Variants in CLIC6 observed in about 807,000 individuals in gnomAD.
CLIC6 encodes chloride intracellular channel protein 6.
A neutral mutation model predicts 49.2 loss-of-function variants in CLIC6; 39 were observed. That is an observed-to-expected ratio of 0.79 (90% confidence interval 0.61 to 1.04). The LOEUF (loss-of-function observed/expected upper bound fraction) is 1.04. CLIC6 is among the 50% of genes least tolerant of loss of function. The pLI is 0.00. For synonymous variants in CLIC6, 446 were observed against 433.4 expected (o/e 1.03, Z -0.36); for missense variants, 988 against 993.1 (o/e 0.99, Z 0.07).
chr21:34,669,430 C>A lies in CLIC6; in HGVS notation c.42C>A (p.Pro14=). 1 of 1,234,804 alleles carries A rather than the reference C, an allele frequency of 8.1e-7. No individual in the cohort carries two copies. The allele number at this position is 1,234,804 out of a possible 1,614,324, so 76.5% of individuals were successfully genotyped here. A position where few individuals can be genotyped will look rare whatever the true frequency, so the allele number is the denominator to read the frequency against. Residue 14 remains proline, a synonymous_variant, in exon 1 of 6, where the codon CCC becomes CCA. Coordinates refer to ENST00000349499, the MANE Select transcript of CLIC6 (RefSeq NM_053277.3). ...AGCCGGAGGGGGTTGCCCCGGGTCC[C>A]CAGGGGCCGCCGGAGGTCCCCGCGC... ...AAEPEGVAPG[P]QGPPEVPAPL...
Position 34,716,862 on chromosome 21 carries a change from T to TCTCTCTCTCTCTCTCTCTCTCTCACACA in CLIC6, c.*381_*382insTCTCTCTCTCTCTCTCTCTCTCACACAC. 1 of 131,634 alleles carries TCTCTCTCTCTCTCTCTCTCTCTCACACA rather than the reference T, an allele frequency of 7.6e-6. No individual in the cohort carries two copies. Among genetic ancestry groups the TCTCTCTCTCTCTCTCTCTCTCTCACACA allele is most frequent in the East Asian group, 2.2e-4 (1 of 4,454 alleles). 8.2% of individuals were successfully genotyped at this position (131,634 alleles called of 1,614,324 possible). On this transcript the variant is annotated 3_prime_UTR_variant, in exon 6 of 6. Coordinates refer to ENST00000349499, the MANE Select transcript of CLIC6 (RefSeq NM_053277.3). ...CTCTCTCTCTCTCTCTCTCTCTCTA[T>TCTCTCTCTCTCTCTCTCTCTCTCACACA]CACACACACACACACACACACACAC...
intron 2 of CLIC6, 61 bp from the exon 3 acceptor site, chr21:34,707,883 C>T: frequency 6.3e-7 from 1 of 1,594,012 alleles, no homozygotes; most frequent in Non-Finnish European, 8.6e-7. Context: ...GCGGCTAAGC[C>T]CTGGAAATGA....
At chr21:34,685,212 G>C (rs936515029) in intron 1 of CLIC6, among the ~76,000 whole-genome samples, 2 of 152,202 alleles carry the variant, frequency 1.3e-5, no homozygotes, top group African/African-American at 4.8e-5. Context: ...GGTGACCCTG[G>C]TCCTCCTCTA....
Position 34,670,824 on chromosome 21 carries a change from C to G in CLIC6, c.1374+62C>G, listed in dbSNP as rs1210758173. On this transcript the variant is annotated intron_variant, in intron 1 of 5. Transcript: ENST00000349499. ...CTTCCATTCGAGGTCTTGGTCATCT[C>G]AGATCCCAGAGGGACGCGCAGGGAG... 29 of 1,517,762 alleles carry G rather than the reference C, an allele frequency of 1.9e-5. 1 individual carries two copies. Among genetic ancestry groups the G allele is most frequent in the South Asian group, 9.8e-5 (8 of 81,338 alleles). The allele number at this position is 1,517,762 out of a possible 1,614,324, so 94.0% of individuals were successfully genotyped here.
intron 1 of CLIC6, among the ~76,000 whole-genome samples, chr21:34,701,034 T>A (rs1990178138): frequency 7.2e-6 from 1 of 138,410 alleles, no homozygotes; most frequent in Non-Finnish European, 1.6e-5. Flanking sequence ...GTATAGGATG[T>A]GTTACTTTTT....
intron 1 of CLIC6, among the ~76,000 whole-genome samples, chr21:34,672,468 C>T (rs1989584324): frequency 6.6e-6 from 1 of 152,188 alleles, no homozygotes; most frequent in Non-Finnish European, 1.5e-5. Flanking sequence ...GGAGTTTCTC[C>T]TCCTCGCCCC....
intron 1 of CLIC6, among the ~76,000 whole-genome samples, chr21:34,672,851 A>G (rs1299614967): frequency 6.6e-6 from 1 of 152,160 alleles, no homozygotes; most frequent in African/African-American, 2.4e-5. Context: ...CTAGCCCTTG[A>G]GGTTACCGTG....
chr21:34,670,147 G>C lies in CLIC6; in HGVS notation c.759G>C (p.Gly253=). 1 of 1,388,216 alleles carries C rather than the reference G, an allele frequency of 7.2e-7. No individual in the cohort carries two copies. The highest frequency in any genetic ancestry group is 9.3e-7 in the Non-Finnish European group (1 of 1,078,470). 86.0% of individuals were successfully genotyped at this position (1,388,216 alleles called of 1,614,324 possible). A position where few individuals can be genotyped will look rare whatever the true frequency, so the allele number is the denominator to read the frequency against. The change falls in exon 1 of 6, where the codon GGG becomes GGC. Residue 253 remains glycine, a synonymous_variant. Coordinates refer to ENST00000349499, the MANE Select transcript of CLIC6 (RefSeq NM_053277.3). ...EGRVGDSVEA[G]DPAGDGVEAG... ...GGGTGGGGGACAGCGTAGAGGCGGG[G>C]GACCCGGCGGGGGACGGCGTAGAAG...
At chr21:34,712,369 A>C (rs950383379) in intron 5 of CLIC6, among the ~76,000 whole-genome samples, 26 of 152,248 alleles carry the variant, frequency 1.7e-4, no homozygotes, top group Non-Finnish European at 3.4e-4. Context: ...GGGATGACAG[A>C]TCATCGACTT....
chr21:34,702,739 C>CGGGAAGGGATTCA lies in CLIC6; in HGVS notation c.1375-4534_1375-4522dup, dbSNP rs2055988924. ...GGCCACTGGGCATCCAGCAAAAGGC[C>CGGGAAGGGATTCA]GGGAAGGGATTCAGGGAAGTGTGTG... is the stretch of plus-strand genomic sequence containing the variant. On this transcript the variant is annotated intron_variant, in intron 1 of 5. Coordinates refer to ENST00000349499, the MANE Select transcript of CLIC6 (RefSeq NM_053277.3). Among the ~76,000 whole-genome samples the CGGGAAGGGATTCA allele has an allele frequency of 2.0e-5, 3 of 152,100 alleles. No homozygotes were observed. In the South Asian group the frequency reaches 6.2e-4, roughly 32 times the overall value.
At chr21:34,687,837 T>C (rs1301376297) in intron 1 of CLIC6, among the ~76,000 whole-genome samples, 1 of 152,138 alleles carries the variant, frequency 6.6e-6, no homozygotes, top group Non-Finnish European at 1.5e-5. Flanking sequence ...AATGTAGGAG[T>C]GAATAAAGTT....
chr21:34,674,368 A>G (rs996153377), intron 1 of CLIC6, among the ~76,000 whole-genome samples: 1 of 152,240 alleles, frequency 6.6e-6, no homozygotes, highest in Admixed American at 6.5e-5. Flanking sequence ...CTGGGATTAT[A>G]GGCACAAGCC....
At chr21:34,695,342 G>A (rs946062025) in intron 1 of CLIC6, among the ~76,000 whole-genome samples, 2 of 152,194 alleles carry the variant, frequency 1.3e-5, no homozygotes, top group Non-Finnish European at 2.9e-5. Context: ...ATGAGATTGG[G>A]TTTGCCTAAT....
chr21:34,711,886 G>T (rs2056058958), intron 5 of CLIC6, among the ~76,000 whole-genome samples: 1 of 152,166 alleles, frequency 6.6e-6, no homozygotes, highest in South Asian at 2.1e-4. Context: ...AAATTTGGGA[G>T]CTGCCTTCTA....
chr21:34,717,063 G>A lies in CLIC6; in HGVS notation c.*581G>A, dbSNP rs2056091942. On this transcript the variant is annotated 3_prime_UTR_variant, in exon 6 of 6. Transcript: ENST00000349499. ...TTGAGGTTAGATTTTAAGGAGTGGGGAATTGTGAAGCCCACAGATGCGCAC... is the reference window on the plus strand; with the variant it reads ...TTGAGGTTAGATTTTAAGGAGTGGGAAATTGTGAAGCCCACAGATGCGCAC... The A allele has an allele frequency of 6.6e-6, 1 of 152,202 alleles. No individual in the cohort carries two copies. Among genetic ancestry groups the A allele is most frequent in the Non-Finnish European group, 1.5e-5 (1 of 68,080 alleles). 9.4% of individuals were successfully genotyped at this position (152,202 alleles called of 1,614,324 possible). A position where few individuals can be genotyped will look rare whatever the true frequency, so the allele number is the denominator to read the frequency against.
At position 34,707,264 on chromosome 21, in the gene CLIC6, C is replaced by T. The variant is rs759463061; in HGVS notation, c.1375-16C>T. 4.4e-6 allele frequency: 7 copies of T among 1,588,136 alleles called. No homozygotes were observed. The highest frequency in any genetic ancestry group is 1.7e-5 in the Admixed American group (1 of 60,000). On this transcript the variant is annotated splice_polypyrimidine_tract_variant and intron_variant, in intron 1 of 5. Coordinates refer to ENST00000349499, the MANE Select transcript of CLIC6 (RefSeq NM_053277.3). ...GTGAGACTGGCTCAGATAGAAATCT[C>T]CTTCTCCACTTGTAGGCTGGTTATG...
chr21:34,702,784 A>T (rs139812570), intron 1 of CLIC6, among the ~76,000 whole-genome samples: 22 of 152,248 alleles, frequency 1.4e-4, no homozygotes, highest in Non-Finnish European at 2.1e-4. Context: ...GGGAGGAGGG[A>T]GTCACCTCCC....
At chr21:34,695,779 A>T (rs539895143) in intron 1 of CLIC6, among the ~76,000 whole-genome samples, 2 of 152,328 alleles carry the variant, frequency 1.3e-5, no homozygotes, top group East Asian at 1.9e-4. Flanking sequence ...GCCAAGGCAG[A>T]CATTGGTTTT....
intron 1 of CLIC6, among the ~76,000 whole-genome samples, chr21:34,697,406 G>C (rs1459990541): frequency 6.6e-6 from 1 of 151,962 alleles, no homozygotes; most frequent in Non-Finnish European, 1.5e-5. Context: ...TGTTTATCTG[G>C]TCCCTTCCCC....
Sources: allele counts gnomAD v4.1 joint callset (sites outside exome capture counted in the v4.1 genomes callset), GRCh38; gene constraint gnomAD v4.1.1; transcripts MANE v1.5; gene names NCBI Gene and HGNC (gene_info 2026-07-23, HGNC 2026-07-21).